Variants in DENND1B observed in about 807,000 individuals in gnomAD.
DENND1B encodes the protein DENN domain containing 1B.
DENND1B carries 59 observed loss-of-function variants against 90.1 expected under a neutral mutation model. That is an observed-to-expected ratio of 0.65 (90% confidence interval 0.53 to 0.81). The LOEUF is 0.81. DENND1B is among the 40% of genes least tolerant of loss of function. The pLI is 0.00. For synonymous variants in DENND1B, 337 were observed against 324.6 expected, an observed-to-expected ratio of 1.04 and a Z score of -0.41; for missense variants, 862 against 912.6, an observed-to-expected ratio of 0.94 and a Z score of 0.71.
At chr1:197,736,016 T>A (rs1056834533) in intron 2 of DENND1B, 6 of 987,342 alleles carry the variant, frequency 6.1e-6, no homozygotes, top group Non-Finnish European at 9.5e-6. Flanking sequence ...AACACTGCAA[T>A]GGCTGCTGTT....
At chr1:197,526,260 T>C (rs890018020) in intron 20 of DENND1B, among the ~76,000 whole-genome samples, 1 of 152,120 alleles carries the variant, frequency 6.6e-6, no homozygotes, top group Non-Finnish European at 1.5e-5. Context: ...AACACCAGCA[T>C]TGATCTCTGA....
chr1:197,725,131 C>T (rs1661507658), intron 2 of DENND1B, among the ~76,000 whole-genome samples: 1 of 152,016 alleles, frequency 6.6e-6, no homozygotes, highest in Non-Finnish European at 1.5e-5. Flanking sequence ...CAAACCTAAG[C>T]AAGATCTCAA....
intron 3 of DENND1B, among the ~76,000 whole-genome samples, chr1:197,707,731 T>C (rs1414077390): frequency 6.7e-6 from 1 of 148,650 alleles, no homozygotes; most frequent in South Asian, 2.1e-4. Flanking sequence ...GGAGCCAAGA[T>C]GGCCGAATAG....
At chr1:197,730,134 T>C (rs1662021263) in intron 2 of DENND1B, among the ~76,000 whole-genome samples, 1 of 152,092 alleles carries the variant, frequency 6.6e-6, no homozygotes, top group Non-Finnish European at 1.5e-5. Flanking sequence ...AAACTTGTTT[T>C]CTAATTAAGA....
intron 5 of DENND1B, among the ~76,000 whole-genome samples, chr1:197,666,644 A>C (rs1654961117): frequency 6.6e-6 from 1 of 152,196 alleles, no homozygotes; most frequent in Admixed American, 6.5e-5. Context: ...GCAAACAAAA[A>C]GGCTTTTGCC....
chr1:197,645,423 T>C (rs1680643579), intron 9 of DENND1B, among the ~76,000 whole-genome samples: 1 of 152,014 alleles, frequency 6.6e-6, no homozygotes, highest in South Asian at 2.1e-4. Flanking sequence ...CCTACCTAAT[T>C]ACTACAAATG....
At chr1:197,629,935 A>G (rs1679175978) in intron 10 of DENND1B, among the ~76,000 whole-genome samples, 1 of 152,126 alleles carries the variant, frequency 6.6e-6, no homozygotes, top group African/African-American at 2.4e-5. Context: ...TACAAATGAC[A>G]AATAAGCATA....
intron 2 of DENND1B, among the ~76,000 whole-genome samples, chr1:197,758,665 C>T (rs1403915161): frequency 6.6e-6 from 1 of 152,176 alleles, no homozygotes; most frequent in Non-Finnish European, 1.5e-5. Context: ...TCTTCCCATT[C>T]CACCATGATG....
intron 15 of DENND1B, among the ~76,000 whole-genome samples, chr1:197,554,979 T>G (rs1465445625): frequency 6.6e-6 from 1 of 151,978 alleles, no homozygotes. Flanking sequence ...GTTCAAAATG[T>G]GCTTTACCCA....
chr1:197,574,127 A>G (rs796790429), intron 15 of DENND1B, among the ~76,000 whole-genome samples: 30 of 152,216 alleles, frequency 2.0e-4, no homozygotes, highest in African/African-American at 6.8e-4. Context: ...AGTGTATTCA[A>G]TTAGGAAAAG....
At chr1:197,516,680 A>G (rs931925802) in intron 20 of DENND1B, among the ~76,000 whole-genome samples, 1 of 151,714 alleles carries the variant, frequency 6.6e-6, no homozygotes, top group Non-Finnish European at 1.5e-5. Flanking sequence ...GGTAGTAAGT[A>G]AGTTTAGACT....
intron 2 of DENND1B, chr1:197,735,680 C>T: frequency 6.2e-7 from 1 of 1,614,048 alleles, no homozygotes; most frequent in Non-Finnish European, 8.5e-7. Flanking sequence ...AGGTCTACCC[C>T]GGACACGGGA....
chr1:197,691,279 C>A (rs567937356), intron 3 of DENND1B, among the ~76,000 whole-genome samples: 3 of 150,464 alleles, frequency 2.0e-5, no homozygotes, highest in African/African-American at 4.9e-5. Flanking sequence ...AAAAAAAGAC[C>A]TGATCAAAAA....
Position 197,554,100 on chromosome 1 carries a change from T to TACAC in DENND1B, c.1150-992_1150-989dup, listed in dbSNP as rs4026509. ...AACCCAAGGTGAAAATCAATGATTATACACACACACACACACACACACACA... is the reference window on the plus strand; with the variant it reads ...AACCCAAGGTGAAAATCAATGATTATACACACACACACACACACACACACACACA... On this transcript the variant is annotated intron_variant, in intron 15 of 22. Coordinates refer to ENST00000620048, the MANE Select transcript of DENND1B (RefSeq NM_001195215.2). Among the ~76,000 whole-genome samples, 1,199 of 140,040 alleles carry TACAC rather than the reference T, an allele frequency of 8.6e-3. 20 individuals are homozygous for TACAC. The highest frequency in any genetic ancestry group is 0.027 in the African/African-American group (989 of 36,956). 91.9% of individuals were successfully genotyped at this position (140,040 alleles called of 152,430 possible). A position where few individuals can be genotyped will look rare whatever the true frequency, so the allele number is the denominator to read the frequency against.
intron 2 of DENND1B, among the ~76,000 whole-genome samples, chr1:197,723,730 T>A (rs1177786275): frequency 6.6e-6 from 1 of 152,112 alleles, no homozygotes; most frequent in Non-Finnish European, 1.5e-5. Flanking sequence ...TTTATTATGA[T>A]TCCTTTAAGG....
chr1:197,504,920 A>G lies in DENND1B; in HGVS notation c.*5540T>C, dbSNP rs1356622789. Reference sequence around the variant, plus strand: ...GGAGATGATTTATACTGTAGCCTCAAGGATGCAAGAACAATGAAGTAAAAT... The same window carrying G: ...GGAGATGATTTATACTGTAGCCTCAGGGATGCAAGAACAATGAAGTAAAAT... On this transcript the variant is annotated 3_prime_UTR_variant, in exon 23 of 23. Coordinates refer to ENST00000620048, the MANE Select transcript of DENND1B (RefSeq NM_001195215.2). 6.6e-6 allele frequency: 1 copy of G among 151,852 alleles called. No individual in the cohort carries two copies. The highest frequency in any genetic ancestry group is 1.5e-5 in the Non-Finnish European group (1 of 67,856). The allele number at this position is 151,852 out of a possible 1,614,324, so 9.4% of individuals were successfully genotyped here.
chr1:197,757,853 T>C (rs559791503), intron 2 of DENND1B, among the ~76,000 whole-genome samples: 1 of 152,332 alleles, frequency 6.6e-6, no homozygotes, highest in East Asian at 1.9e-4. Flanking sequence ...CCAATTGCAC[T>C]ATACCTCTCA....
Position 197,642,737 on chromosome 1 carries a change from C to T in DENND1B, c.646G>A (p.Val216Met), listed in dbSNP as rs7546381. ...YASMLHERRI[V>M]IISSKLSTLT... Reference sequence around the variant, plus strand: ...GTGCTTAATTTGCTCGAGATAATCACGATGCGCCTTTCATGCAGCATACTG... The same window carrying T: ...GTGCTTAATTTGCTCGAGATAATCATGATGCGCCTTTCATGCAGCATACTG... Residue 216 changes from valine to methionine, a missense_variant, in exon 10 of 23, where the codon GTG becomes ATG. Coordinates refer to ENST00000620048, the MANE Select transcript of DENND1B (RefSeq NM_001195215.2). The T allele has an allele frequency of 1.3e-5, 21 of 1,613,266 alleles. No individual in the cohort carries two copies. Among genetic ancestry groups the T allele is most frequent in the African/African-American group, 6.7e-5 (5 of 74,858 alleles).
At chr1:197,565,812 C>T (rs1471762285) in intron 15 of DENND1B, among the ~76,000 whole-genome samples, 9 of 150,138 alleles carry the variant, frequency 6.0e-5, no homozygotes, top group Admixed American at 2.0e-4. Context: ...CTACAAAGGA[C>T]ATGAACTCAT....
Sources: gnomAD v4.1 joint callset for allele counts (sites outside exome capture counted in the v4.1 genomes callset) on GRCh38, gnomAD v4.1.1 for gene constraint, MANE v1.5 for transcripts, NCBI Gene and HGNC (gene_info 2026-07-23, HGNC 2026-07-21) for gene names.